Variants in NUP88 observed in about 807,000 individuals in gnomAD.
The protein encoded by NUP88 is nuclear pore complex protein Nup88.
A neutral mutation model predicts 93.9 loss-of-function variants in NUP88; 57 were observed. The ratio of observed to expected loss-of-function variants is 0.61; its 90% CI spans 0.49 to 0.76. The LOEUF is 0.76. Among genes scored for constraint, NUP88 ranks in the 30% least tolerant of loss-of-function variants. The pLI is 0.00. For synonymous variants in NUP88, 346 were observed against 336.8 expected, an observed-to-expected ratio of 1.03 and a Z score of -0.30; for missense variants, 911 against 901.0, an observed-to-expected ratio of 1.01 and a Z score of -0.14.
chr17:5,395,120 G>A, intron 8 of NUP88, 139 bp from the exon 9 acceptor site: 1 of 609,560 alleles, frequency 1.6e-6, no homozygotes. Flanking sequence ...TCTGACATAG[G>A]CATACGCTTT....
rs762011966 is a variant in NUP88 at position 5,419,434 on chromosome 17, C to A, written c.217G>T (p.Gly73Ter). 8.1e-6 allele frequency: 13 copies of A among 1,613,926 alleles called. No individual in the cohort carries two copies. Among genetic ancestry groups the A allele is most frequent in the African/African-American group, 1.3e-5 (1 of 75,068 alleles). Reference sequence around the variant, plus strand: ...ACGACTAAGAAGGAGCTGTCTTCTCCGTCCCACAGGAAAAGCTCTCCGCCG... The same window carrying A: ...ACGACTAAGAAGGAGCTGTCTTCTCAGTCCCACAGGAAAAGCTCTCCGCCG... ...GLGGELFLWDGEDSSFLVVRL... is the reference protein window; with the variant it reads ...GLGGELFLWD The change falls in exon 1 of 17, where the codon GGA becomes TGA. Residue 73 changes from glycine to a stop codon, truncating the protein, a stop_gained. Transcript: ENST00000573584. LOFTEE classifies it high-confidence loss of function.
intron 8 of NUP88, 36 bp downstream of exon 8, chr17:5,399,516 A>C: frequency 2.9e-6 from 3 of 1,028,516 alleles, no homozygotes; most frequent in Non-Finnish European, 4.5e-6. Context: ...TTTTCCTCTG[A>C]AATCTATTAA....
intron 8 of NUP88, among the ~76,000 whole-genome samples, chr17:5,398,354 A>G (rs1361386967): frequency 6.6e-6 from 1 of 151,940 alleles, no homozygotes; most frequent in Non-Finnish European, 1.5e-5. Flanking sequence ...CTGTGGCACG[A>G]TATCGGCTCA....
intron 4 of NUP88, among the ~76,000 whole-genome samples, chr17:5,409,244 G>A (rs994231224): frequency 2.6e-5 from 4 of 151,928 alleles, no homozygotes; most frequent in Admixed American, 2.0e-4. Flanking sequence ...CGTGGTGGCA[G>A]GTGCCTGTAG....
At position 5,415,731 on chromosome 17, in the gene NUP88, A is replaced by C. The variant is rs1914095988; in HGVS notation, c.467+782T>G. 2.6e-5 allele frequency among the ~76,000 whole-genome samples: 4 copies of C among 152,194 alleles called. No homozygotes were observed. In the South Asian group the frequency reaches 8.3e-4, roughly 32 times the overall value. On this transcript the variant is annotated intron_variant, in intron 2 of 16. Transcript: ENST00000573584. ...TCCTCTGCTGTGTTGTCAGCAATAA[A>C]TCCATTTTCAACTTACACTGGGTTT...
intron 13 of NUP88, 34 bp from the exon 14 acceptor site, chr17:5,387,500 C>G: frequency 6.2e-7 from 1 of 1,607,918 alleles, no homozygotes; most frequent in Non-Finnish European, 8.5e-7. Flanking sequence ...CTCTTGAGGT[C>G]CACCCCTTGA....
intron 3 of NUP88, among the ~76,000 whole-genome samples, chr17:5,410,995 G>A (rs1913810253): frequency 6.6e-6 from 1 of 152,120 alleles, no homozygotes; most frequent in South Asian, 2.1e-4. Flanking sequence ...CTGAAGAAAT[G>A]TTCTCTATCC....
chr17:5,391,930 A>ATCTC (rs72136892), intron 9 of NUP88, among the ~76,000 whole-genome samples: 7 of 49,964 alleles, frequency 1.4e-4, no homozygotes, highest in East Asian at 6.3e-3. Context: ...TACACTGAAG[A>ATCTC]TCTCTCCAAC....
At chr17:5,396,533 C>A (rs761697125) in intron 8 of NUP88, among the ~76,000 whole-genome samples, 6 of 152,214 alleles carry the variant, frequency 3.9e-5, no homozygotes, top group Non-Finnish European at 8.8e-5. Flanking sequence ...ATCCATTCAT[C>A]AGCTTATGGA....
chr17:5,396,593 A>T (rs1292063938), intron 8 of NUP88, among the ~76,000 whole-genome samples: 1 of 152,172 alleles, frequency 6.6e-6, no homozygotes, highest in Non-Finnish European at 1.5e-5. Context: ...TGCTGTGAAC[A>T]CTCATGTACC....
chr17:5,398,798 G>A lies in NUP88; in HGVS notation c.1291+754C>T, dbSNP rs542981121. ...GAGACAGGGTTTCACCATGTTGGTT[G>A]GCCAGGATGGTCTCAATCTCTTGAC... On this transcript the variant is annotated intron_variant, in intron 8 of 16. Coordinates refer to ENST00000573584, the MANE Select transcript of NUP88 (RefSeq NM_002532.6). Among the ~76,000 whole-genome samples the A allele has an allele frequency of 1.1e-4, 16 of 150,704 alleles. No homozygotes were observed. The South Asian group carries it at 2.9e-3, about 28-fold the overall frequency.
Position 5,408,929 on chromosome 17 carries a change from C to T in NUP88, c.681-20G>A. ...GCCCTTCTGGAAAGAGATGTAAAAA[C>T]CAACTTGTTAAAAACAAAAACAACA... is the stretch of plus-strand genomic sequence containing the variant. On this transcript the variant is annotated intron_variant, in intron 4 of 16. Coordinates refer to ENST00000573584, the MANE Select transcript of NUP88 (RefSeq NM_002532.6). The T allele has an allele frequency of 6.6e-7, 1 of 1,523,696 alleles. No individual in the cohort carries two copies. The highest frequency in any genetic ancestry group is 8.8e-7 in the Non-Finnish European group (1 of 1,137,632). The allele number at this position is 1,523,696 out of a possible 1,614,324, so 94.4% of individuals were successfully genotyped here.
chr17:5,388,489 T>A (rs891138464), intron 11 of NUP88: 1 of 196,148 alleles, frequency 5.1e-6, no homozygotes, highest in Non-Finnish European at 1.0e-5. Flanking sequence ...GGGGTTTTGC[T>A]GTGTTAGCCA....
At chr17:5,410,553 G>GA in intron 4 of NUP88, 150 bp downstream of exon 4, 1 of 583,752 alleles carries the variant, frequency 1.7e-6, no homozygotes, top group Non-Finnish European at 3.1e-6. Flanking sequence ...CCAACACGAC[G>GA]AATCCCTGTT....
In NUP88 at chr17:5,418,968, A is replaced by G. The variant is rs150283486; in HGVS notation, c.297+386T>C. Among the ~76,000 whole-genome samples, 37 of 152,252 alleles carry G rather than the reference A, an allele frequency of 2.4e-4. No individual in the cohort carries two copies. In the East Asian group the frequency reaches 6.0e-3, roughly 25 times the overall value. ...GAAGCGTGGTGCTTTGAAACCTGCA[A>G]CCTGACTTGCTGTGCACAACGCAAG... On this transcript the variant is annotated intron_variant, in intron 1 of 16. Transcript: ENST00000573584.
intron 9 of NUP88, 91 bp downstream of exon 9, chr17:5,394,800 A>G (rs1912666631): frequency 1.2e-6 from 1 of 843,970 alleles, no homozygotes; most frequent in East Asian, 2.4e-5. Flanking sequence ...AGCAGTGAAT[A>G]CTGTGGATGT....
rs771952379 is a variant in NUP88, at chr17:5,391,682, G to C, written c.1383-20C>G. ...GGCTGCCTGGAAAAACACAGTCATA[G>C]TTAAATTACAAAGCAGCAAATGCAA... On this transcript the variant is annotated intron_variant, in intron 9 of 16. Transcript: ENST00000573584. The C allele has an allele frequency of 6.2e-5, 99 of 1,589,876 alleles. No homozygotes were observed. The highest frequency in any genetic ancestry group is 8.5e-5 in the Non-Finnish European group (99 of 1,158,560).
intron 9 of NUP88, 74 bp from the exon 10 acceptor site, chr17:5,391,736 C>A: frequency 1.6e-6 from 2 of 1,245,806 alleles, no homozygotes; most frequent in Non-Finnish European, 1.2e-6. Flanking sequence ...CATGACAGGT[C>A]CGCGGCCTTC....
intron 16 of NUP88, 94 bp downstream of exon 16, chr17:5,386,614 C>A: frequency 1.2e-6 from 1 of 865,276 alleles, no homozygotes; most frequent in Non-Finnish European, 1.9e-6. Flanking sequence ...ATGCAAATAC[C>A]AAGATTCAGG....
Sources: gnomAD v4.1 joint callset for allele counts (sites outside exome capture counted in the v4.1 genomes callset) on GRCh38, gnomAD v4.1.1 for gene constraint, MANE v1.5 for transcripts, NCBI Gene and HGNC (gene_info 2026-07-23, HGNC 2026-07-21) for gene names.